EP400: variants seen among roughly 807,000 people sequenced by gnomAD.
EP400 encodes the protein E1A binding protein p400.
In EP400, 105 loss-of-function variants were observed where a neutral mutation model predicts 354.1. The ratio of observed to expected loss-of-function variants is 0.30; its 90% CI spans 0.25 to 0.35. The LOEUF is 0.35. Among genes scored for constraint, EP400 ranks in the 10% least tolerant of loss-of-function variants. EP400 has a pLI of 1.00. For missense variants in EP400, 3,280 were observed against 4,121.0 expected (o/e 0.80, Z 5.59); for synonymous variants, 1,646 against 1,716.9 (o/e 0.96, Z 1.02).
At position 132,054,177 on chromosome 12, in the gene EP400, C is replaced by T. The variant is rs1050797392; in HGVS notation, c.7728+580C>T. Among the ~76,000 whole-genome samples the T allele has an allele frequency of 7.2e-5, 11 of 152,198 alleles. No individual in the cohort carries two copies. Among genetic ancestry groups the T allele is most frequent in the African/African-American group, 2.4e-4 (10 of 41,448 alleles). Reference sequence around the variant, plus strand: ...GCCACACAGACGCTGAAATCATATGCGCAGAATCACACCTGCAGAGAATAG... The same window carrying T: ...GCCACACAGACGCTGAAATCATATGTGCAGAATCACACCTGCAGAGAATAG... On this transcript the variant is annotated intron_variant, in intron 43 of 52. Transcript: ENST00000389561. This position sits in a 1 kb window ranked among gnomAD's most constrained non-coding sequence, Gnocchi z 4.0.
Position 132,027,923 on chromosome 12 carries a change from T to A in EP400, c.5110-94T>A, listed in dbSNP as rs1271860255. The stretch of plus-strand genomic sequence containing the variant: ...CGGGGATATTGAAGTGGATCTCATA[T>A]GTGGGAAATCACGGGCTGGGTGGGG... On this transcript the variant is annotated intron_variant, in intron 26 of 52. Transcript: ENST00000389561. This position sits in a 1 kb window ranked among gnomAD's most constrained non-coding sequence, Gnocchi z 4.9. 6 of 1,340,732 alleles carry A rather than the reference T, an allele frequency of 4.5e-6. No individual in the cohort carries two copies. The highest frequency in any genetic ancestry group is 6.2e-6 in the Non-Finnish European group (6 of 963,862). The allele number at this position is 1,340,732 out of a possible 1,614,324, so 83.1% of individuals were successfully genotyped here. A position where few individuals can be genotyped will look rare whatever the true frequency, so the allele number is the denominator to read the frequency against.
At chr12:131,954,880 T>C (rs757105045) in intron 1 of EP400, among the ~76,000 whole-genome samples, 2 of 150,592 alleles carry the variant, frequency 1.3e-5, no homozygotes, top group African/African-American at 2.4e-5. Context: ...ATACAAAAAT[T>C]AGCTGGCTGT....
In EP400 at chr12:132,070,889, T is replaced by G. The variant is rs550450678; in HGVS notation, c.9021+1248T>G. On this transcript the variant is annotated intron_variant, in intron 51 of 52. Transcript: ENST00000389561. The surrounding 1 kb of genome is among the most constrained non-coding windows in gnomAD (Gnocchi z 4.1). ...CTGTTGTACATTTTTGTACATTAGT[T>G]TTTTATTCTGGCCGCCTTGCTAGAT... is the stretch of plus-strand genomic sequence containing the variant. Among the ~76,000 whole-genome samples the G allele has an allele frequency of 6.6e-6, 1 of 152,242 alleles. No individual in the cohort carries two copies. Among genetic ancestry groups the G allele is most frequent in the Non-Finnish European group, 1.5e-5 (1 of 68,046 alleles).
At position 132,024,066 on chromosome 12, in the gene EP400, A is replaced by T. The variant is rs946475682; in HGVS notation, c.4855+125A>T. 8 of 1,080,246 alleles carry T rather than the reference A, an allele frequency of 7.4e-6. No individual in the cohort carries two copies. In the East Asian group the frequency reaches 2.0e-4, roughly 27 times the overall value. 66.9% of individuals were successfully genotyped at this position (1,080,246 alleles called of 1,614,324 possible). On this transcript the variant is annotated intron_variant, in intron 24 of 52. Transcript: ENST00000389561. ...GGCTTTTCCCTGTGTCCGATGATGC[A>T]TCTCACCTCATGGGTTCATGGAAGA...
At chr12:131,950,839 G>A (rs770388798) in intron 1 of EP400, among the ~76,000 whole-genome samples, 2 of 152,052 alleles carry the variant, frequency 1.3e-5, no homozygotes, top group Non-Finnish European at 2.9e-5. Flanking sequence ...CTAGAGCCTC[G>A]ACCTCCCGAG....
chr12:132,053,460 G>A lies in EP400; in HGVS notation c.7591G>A (p.Ala2531Thr), dbSNP rs755546209. ...GCCACCGCTGCCACAACCACAGGCAGCGGGCAGCCAGCCGCCAGCAGGGCC... is the reference window on the plus strand; with the variant it reads ...GCCACCGCTGCCACAACCACAGGCAACGGGCAGCCAGCCGCCAGCAGGGCC... ...PPPPLPQPQAAGSQPPAGPPA... is the reference protein window; with the variant it reads ...PPPPLPQPQATGSQPPAGPPA... The change falls in exon 43 of 53, where the codon GCG (alanine) becomes ACG (threonine). Residue 2531 changes from alanine (A) to threonine (T), a missense_variant. Coordinates refer to ENST00000389561, the MANE Select transcript of EP400 (RefSeq NM_015409.5). 1.4e-6 allele frequency: 2 copies of A among 1,469,240 alleles called. No individual in the cohort carries two copies. The highest frequency in any genetic ancestry group is 2.4e-5 in the South Asian group (2 of 82,840). 91.0% of individuals were successfully genotyped at this position (1,469,240 alleles called of 1,614,324 possible).
chr12:132,035,842 G>A (rs1017619811), intron 30 of EP400, among the ~76,000 whole-genome samples: 3 of 145,216 alleles, frequency 2.1e-5, no homozygotes, highest in Non-Finnish European at 3.0e-5. Context: ...ACACACCCAG[G>A]TTCACACGGG....
chr12:132,023,850 G>T lies in EP400; in HGVS notation c.4764G>T (p.Thr1588=), dbSNP rs777423888. 47 of 1,613,614 alleles carry T rather than the reference G, an allele frequency of 2.9e-5. 1 individual carries two copies. The East Asian group carries it at 1.0e-3, about 36-fold the overall frequency. The change falls in exon 24 of 53, where the codon ACG becomes ACT. Residue 1588 remains threonine (T), a synonymous_variant. Coordinates refer to ENST00000389561, the MANE Select transcript of EP400 (RefSeq NM_015409.5). ...GPQSRVAQPE[T]PVTLQFQGSK... ...AGAGCCGCGTGGCTCAGCCAGAGAC[G>T]CCGGTGACACTGCAGTTCCAGGGCA...
At chr12:131,980,078 G>C (rs944073938) in intron 3 of EP400, among the ~76,000 whole-genome samples, 4 of 152,162 alleles carry the variant, frequency 2.6e-5, no homozygotes, top group African/African-American at 9.7e-5. Context: ...AAAATCATCT[G>C]CTTTCCAAAG....
intron 22 of EP400, among the ~76,000 whole-genome samples, chr12:132,020,635 T>C (rs1258551499): frequency 6.6e-6 from 1 of 152,208 alleles, no homozygotes; most frequent in African/African-American, 2.4e-5. Flanking sequence ...AAGTAGTATT[T>C]CACCACCTGG....
chr12:132,011,799 A>G (rs1893775463), intron 16 of EP400, among the ~76,000 whole-genome samples, 165 bp downstream of exon 16: 1 of 152,256 alleles, frequency 6.6e-6, no homozygotes, highest in South Asian at 2.1e-4. Context: ...AGCATAGACA[A>G]TACCGCATCG....
chr12:132,072,258 G>C (rs1896091118), intron 51 of EP400, among the ~76,000 whole-genome samples: 1 of 152,212 alleles, frequency 6.6e-6, no homozygotes, highest in African/African-American at 2.4e-5. Context: ...ACGATGCCGG[G>C]CTTTTGCCAG....
Position 132,077,784 on chromosome 12 carries a change from G to T in EP400, c.*111G>T. ...ACGCAAGAGATTCAGCACTGGGAAA[G>T]ATATAATTGAAACAAAATAGTGTAA... On this transcript the variant is annotated 3_prime_UTR_variant, in exon 53 of 53. Coordinates refer to ENST00000389561, the MANE Select transcript of EP400 (RefSeq NM_015409.5). 1 of 1,282,304 alleles carries T rather than the reference G, an allele frequency of 7.8e-7. No individual in the cohort carries two copies. The highest frequency in any genetic ancestry group is 1.0e-6 in the Non-Finnish European group (1 of 956,236). The allele number at this position is 1,282,304 out of a possible 1,614,324, so 79.4% of individuals were successfully genotyped here.
rs972798957 is a variant in EP400, at chr12:132,032,159, T to C, written c.5951+10T>C. 1.2e-6 allele frequency: 2 copies of C among 1,607,000 alleles called. No individual in the cohort carries two copies. Among genetic ancestry groups the C allele is most frequent in the Middle Eastern group, 1.7e-4 (1 of 5,818 alleles). ...ACATCCACATATACAGGTGAGGGCCTGCGGGGGATAGGATCAGGAGATGCA... is the reference window on the plus strand; with the variant it reads ...ACATCCACATATACAGGTGAGGGCCCGCGGGGGATAGGATCAGGAGATGCA... On this transcript the variant is annotated intron_variant, in intron 30 of 52. Coordinates refer to ENST00000389561, the MANE Select transcript of EP400 (RefSeq NM_015409.5).
chr12:132,012,824 G>A (rs974103581), intron 16 of EP400, among the ~76,000 whole-genome samples, 185 bp from the exon 17 acceptor site: 13 of 152,176 alleles, frequency 8.5e-5, no homozygotes, highest in African/African-American at 3.1e-4. Flanking sequence ...ACCCCTAGAG[G>A]TAGAGATAAA....
intron 15 of EP400, among the ~76,000 whole-genome samples, chr12:132,008,209 A>T (rs1893649218): frequency 6.6e-6 from 1 of 152,136 alleles, no homozygotes; most frequent in South Asian, 2.1e-4. Context: ...TGACCTTCCA[A>T]AATGCTGGGA....
chr12:132,073,597 G>A (rs1289271227), intron 51 of EP400, among the ~76,000 whole-genome samples: 1 of 151,892 alleles, frequency 6.6e-6, no homozygotes, highest in East Asian at 1.9e-4. Context: ...GGGATTACAG[G>A]CACATGCCAC....
intron 15 of EP400, among the ~76,000 whole-genome samples, chr12:132,007,216 C>T (rs1371803436): frequency 6.6e-6 from 1 of 152,208 alleles, no homozygotes; most frequent in African/African-American, 2.4e-5. Flanking sequence ...GGCATGAACC[C>T]GCCGTTGGGC....
chr12:132,028,684 G>A (rs1223145794), intron 27 of EP400, among the ~76,000 whole-genome samples: 3 of 152,202 alleles, frequency 2.0e-5, no homozygotes, highest in South Asian at 2.1e-4. Context: ...ATCTCAGAAC[G>A]TGCTTTAATG....
Sources: allele counts gnomAD v4.1 joint callset (sites outside exome capture counted in the v4.1 genomes callset), GRCh38; gene constraint gnomAD v4.1.1; non-coding constraint Gnocchi (gnomAD v3.1); transcripts MANE v1.5; gene names NCBI Gene and HGNC (gene_info 2026-07-23, HGNC 2026-07-21).